The following DPP10 variants were observed in gnomAD, a reference collection of about 807,000 sequenced individuals.
DPP10 encodes dipeptidyl peptidase like 10, also known as inactive dipeptidyl peptidase 10.
Under a neutral mutation model 120.9 loss-of-function variants are expected in DPP10, and 33 were observed. The ratio of observed to expected loss-of-function variants is 0.27; its 90% confidence interval spans 0.21 to 0.37. The LOEUF (loss-of-function observed/expected upper bound fraction) is 0.37, where lower values mean the gene tolerates loss of function less well. Ranked by LOEUF, DPP10 falls within the 10% of genes least tolerant of loss-of-function variation. The pLI, the probability that DPP10 is intolerant of heterozygous loss-of-function variation, is 1.00. For missense variants in DPP10, 816 were observed against 942.8 expected, an observed-to-expected ratio of 0.87 and a Z score of 1.76; for synonymous variants, 337 against 326.1, an observed-to-expected ratio of 1.03 and a Z score of -0.36.
At chr2:115,490,871 C>T (rs527868856) in intron 3 of DPP10, among the ~76,000 whole-genome samples, 7 of 152,314 alleles carry the variant, frequency 4.6e-5, no homozygotes, top group African/African-American at 1.2e-4. Context: ...ATATTCCCAG[C>T]AGTTTGGGAG....
intron 3 of DPP10, among the ~76,000 whole-genome samples, chr2:115,494,503 C>T (rs1043160900): frequency 1.3e-5 from 2 of 152,006 alleles, no homozygotes; most frequent in Non-Finnish European, 2.9e-5. Flanking sequence ...GAAAGTTTAA[C>T]ATTGTTGTGA....
At chr2:115,728,569 T>G (rs1170440924) in intron 8 of DPP10, among the ~76,000 whole-genome samples, 1 of 152,180 alleles carries the variant, frequency 6.6e-6, no homozygotes, top group Admixed American at 6.5e-5. Flanking sequence ...ATTACCTATG[T>G]TTCAGATTCT....
At chr2:115,466,131 C>A (rs2074310099) in intron 3 of DPP10, among the ~76,000 whole-genome samples, 1 of 151,290 alleles carries the variant, frequency 6.6e-6, no homozygotes, top group Non-Finnish European at 1.5e-5. Context: ...GAATTGTATT[C>A]TACTCTATAA....
At chr2:115,171,914 C>G (rs1355801683) in intron 1 of DPP10, among the ~76,000 whole-genome samples, 4 of 152,108 alleles carry the variant, frequency 2.6e-5, no homozygotes, top group Non-Finnish European at 5.9e-5. Context: ...AGGTTACACG[C>G]AAAGCCATAA....
Position 115,814,918 on chromosome 2 carries a change from T to G in DPP10, c.1826T>G (p.Leu609Arg), listed in dbSNP as rs147125069. The change falls in exon 20 of 26, where the codon CTG (leucine) becomes CGG (arginine). Residue 609 changes from leucine to arginine, a missense_variant. Around this residue, in one of 3 missense-constraint regions of DPP10, gnomAD observed 592 missense variants for 649.0 expected, o/e 0.91. Coordinates refer to ENST00000410059, the MANE Select transcript of DPP10 (RefSeq NM_020868.6). ...GGCAGAGGAAGTGGATTCCAGGGTCTGAAAATTTTGCAGGAGATTCATCGA... is the reference window on the plus strand; with the variant it reads ...GGCAGAGGAAGTGGATTCCAGGGTCGGAAAATTTTGCAGGAGATTCATCGA... ...FDGRGSGFQG[L>R]KILQEIHRRL... 818 of 1,612,976 alleles carry G rather than the reference T, an allele frequency of 5.1e-4. 6 individuals are homozygous for G. In the African/African-American group the frequency reaches 9.6e-3, roughly 19 times the overall value.
At chr2:115,122,545 TCCAATTAGTGTGTGTC>T (rs1430923774) in intron 1 of DPP10, among the ~76,000 whole-genome samples, 1 of 152,220 alleles carries the variant, frequency 6.6e-6, no homozygotes, top group Non-Finnish European at 1.5e-5. Flanking sequence ...GAGCCAGAGG[TCCAATTAGTGTGTGTC>T]CTGGCAATGA....
chr2:114,798,875 T>A (rs1381758315), intron 1 of DPP10, among the ~76,000 whole-genome samples: 1 of 152,180 alleles, frequency 6.6e-6, no homozygotes, highest in Non-Finnish European at 1.5e-5. Flanking sequence ...ACGCCTGTAA[T>A]CCCAGCACTT....
At chr2:115,789,206 A>G (rs1683675604) in intron 17 of DPP10, among the ~76,000 whole-genome samples, 1 of 152,126 alleles carries the variant, frequency 6.6e-6, no homozygotes, top group African/African-American at 2.4e-5. Context: ...AAAAGATCAA[A>G]TTTTCTCATG....
intron 1 of DPP10, among the ~76,000 whole-genome samples, chr2:114,720,714 G>C (rs760375180): frequency 1.2e-4 from 18 of 152,160 alleles, no homozygotes; most frequent in Admixed American, 2.6e-4. Context: ...CCCATATCTG[G>C]TTCTCCTCTA....
At chr2:114,974,198 A>C (rs1485083377) in intron 1 of DPP10, among the ~76,000 whole-genome samples, 1 of 152,162 alleles carries the variant, frequency 6.6e-6, no homozygotes, top group Non-Finnish European at 1.5e-5. Flanking sequence ...ACAACTTACT[A>C]AGTCCTGCAA....
At chr2:115,621,486 A>G (rs2084937578) in intron 5 of DPP10, among the ~76,000 whole-genome samples, 1 of 152,212 alleles carries the variant, frequency 6.6e-6, no homozygotes, top group African/African-American at 2.4e-5. Context: ...ATTGTTTTTT[A>G]AACTGACTTT....
chr2:114,686,808 A>G (rs1699400101), intron 1 of DPP10, among the ~76,000 whole-genome samples: 2 of 152,118 alleles, frequency 1.3e-5, no homozygotes, highest in East Asian at 1.9e-4. Flanking sequence ...CATACAAAAA[A>G]TTACAAGAGT....
At chr2:115,313,080 G>A (rs567308373) in intron 2 of DPP10, among the ~76,000 whole-genome samples, 1 of 152,082 alleles carries the variant, frequency 6.6e-6, no homozygotes, top group African/African-American at 2.4e-5. Context: ...AAAATGAGCC[G>A]GGCATGGTGG....
intron 21 of DPP10, among the ~76,000 whole-genome samples, chr2:115,816,410 A>T (rs567219988): frequency 5.3e-5 from 8 of 152,288 alleles, no homozygotes; most frequent in Admixed American, 4.6e-4. Context: ...CACAGAAAAA[A>T]ACTAGCAAGT....
intron 5 of DPP10, among the ~76,000 whole-genome samples, chr2:115,558,501 G>T (rs1339340317): frequency 6.6e-6 from 1 of 152,080 alleles, no homozygotes; most frequent in African/African-American, 2.4e-5. Flanking sequence ...CAGGAATTAG[G>T]ATTTAATGAA....
At chr2:114,903,487 G>A (rs1693743119) in intron 1 of DPP10, among the ~76,000 whole-genome samples, 1 of 152,178 alleles carries the variant, frequency 6.6e-6, no homozygotes, top group African/African-American at 2.4e-5. Flanking sequence ...TCTAATAGAT[G>A]TGTAGTGGTA....
chr2:114,668,449 C>G (rs995390499), intron 1 of DPP10, among the ~76,000 whole-genome samples: 1 of 152,136 alleles, frequency 6.6e-6, no homozygotes, highest in Non-Finnish European at 1.5e-5. Context: ...AGGATTTTTG[C>G]CTTCTCAGTC....
At chr2:114,718,332 C>T (rs932749199) in intron 1 of DPP10, among the ~76,000 whole-genome samples, 6 of 131,326 alleles carry the variant, frequency 4.6e-5, no homozygotes, top group East Asian at 2.5e-4. Flanking sequence ...TCCTGGGAGG[C>T]GGAGGTTGCA....
chr2:114,940,595 C>A (rs1036722999), intron 1 of DPP10, among the ~76,000 whole-genome samples: 3 of 151,464 alleles, frequency 2.0e-5, no homozygotes, highest in South Asian at 2.1e-4. Flanking sequence ...AAGATTCTTG[C>A]GGGTTTGCAT....
Sources: gnomAD v4.1 joint callset for allele counts (sites outside exome capture counted in the v4.1 genomes callset) on GRCh38, gnomAD v4.1.1 for gene constraint, gnomAD v4.1.1 regional missense constraint, MANE v1.5 for transcripts, NCBI Gene and HGNC (gene_info 2026-07-23, HGNC 2026-07-21) for gene names.